Variants in TXK observed in about 807,000 individuals in gnomAD.
TXK encodes TXK tyrosine kinase.
In TXK, 60 loss-of-function variants were observed where a neutral mutation model predicts 81.0. The observed-to-expected ratio is 0.74, with a 90% CI of 0.60 to 0.92. The LOEUF (loss-of-function observed/expected upper bound fraction) is 0.92, where lower values mean the gene tolerates loss of function less well. Among genes scored for constraint, TXK ranks in the 40% least tolerant of loss-of-function variants. TXK has a pLI of 0.00. For missense variants in TXK, 581 were observed against 638.3 expected (o/e 0.91, Z 0.97); for synonymous variants, 203 against 210.7 (o/e 0.96, Z 0.32).
intron 10 of TXK, among the ~76,000 whole-genome samples, chr4:48,080,533 G>A (rs1007646256): frequency 6.6e-6 from 1 of 152,092 alleles, no homozygotes; most frequent in Non-Finnish European, 1.5e-5. Flanking sequence ...CAAGAGGGAG[G>A]AAAGAGTGAC....
chr4:48,091,354 G>A (rs1033865710), intron 8 of TXK, among the ~76,000 whole-genome samples: 3 of 152,172 alleles, frequency 2.0e-5, no homozygotes, highest in Admixed American at 6.5e-5. Context: ...AGGAGGTAGA[G>A]CCAGACAAAT....
intron 5 of TXK, 100 bp from the exon 6 acceptor site, chr4:48,105,055 A>T (rs1718407745): frequency 2.7e-6 from 2 of 741,452 alleles, no homozygotes; most frequent in African/African-American, 1.8e-5. Flanking sequence ...TTCAGAACTG[A>T]GCTTAGAAAG....
chr4:48,067,733 C>T (rs759605449), intron 14 of TXK, 28 bp from the exon 15 acceptor site: 1 of 1,604,944 alleles, frequency 6.2e-7, no homozygotes, highest in East Asian at 2.2e-5. Context: ...GGGTGGTTAG[C>T]TCAGCTTAAC....
intron 1 of TXK, among the ~76,000 whole-genome samples, chr4:48,115,693 C>A (rs897450299): frequency 6.6e-6 from 1 of 151,968 alleles, no homozygotes; most frequent in African/African-American, 2.4e-5. Flanking sequence ...CCCCAAAAAA[C>A]TTTTTAAAAA....
At chr4:48,111,176 G>A (rs1429387906) in intron 4 of TXK, among the ~76,000 whole-genome samples, 1 of 152,168 alleles carries the variant, frequency 6.6e-6, no homozygotes, top group Non-Finnish European at 1.5e-5. Context: ...CAGCATGGTA[G>A]AAGTTTCACT....
At chr4:48,113,453 C>T (rs1718705830) in intron 2 of TXK, 144 bp from the exon 3 acceptor site, 2 of 573,386 alleles carry the variant, frequency 3.5e-6, no homozygotes, top group South Asian at 5.3e-5. Flanking sequence ...AACTCCATCT[C>T]CCTGGGCAAA....
chr4:48,089,958 T>C (rs567504092), intron 8 of TXK, 134 bp from the exon 9 acceptor site: 14 of 587,648 alleles, frequency 2.4e-5, no homozygotes, highest in Non-Finnish European at 4.1e-5. Context: ...GTCAGCAGTT[T>C]GCTTATTTTC....
intron 10 of TXK, among the ~76,000 whole-genome samples, chr4:48,080,795 A>T (rs915567458): frequency 4.6e-5 from 7 of 151,996 alleles, no homozygotes; most frequent in African/African-American, 7.2e-5. Flanking sequence ...GTGTGTGTGT[A>T]ATACTATATT....
At chr4:48,130,614 C>G (rs1719226715) in intron 1 of TXK, among the ~76,000 whole-genome samples, 1 of 152,126 alleles carries the variant, frequency 6.6e-6, no homozygotes, top group Non-Finnish European at 1.5e-5. Flanking sequence ...GTACTAGGTC[C>G]AATTCATACT....
At chr4:48,079,439 T>C (rs981667740) in intron 11 of TXK, among the ~76,000 whole-genome samples, 1 of 152,120 alleles carries the variant, frequency 6.6e-6, no homozygotes, top group African/African-American at 2.4e-5. Context: ...CACCTGATCT[T>C]CTGGCCCCCA....
intron 1 of TXK, 74 bp from the exon 2 acceptor site, chr4:48,114,476 G>A (rs1271738959): frequency 1.4e-6 from 2 of 1,438,372 alleles, no homozygotes; most frequent in Non-Finnish European, 2.0e-6. Flanking sequence ...TAAGGGAAGG[G>A]TGAGACGAAT....
At chr4:48,102,118 A>G (rs560041722) in intron 6 of TXK, among the ~76,000 whole-genome samples, 48 of 152,206 alleles carry the variant, frequency 3.2e-4, no homozygotes, top group African/African-American at 1.2e-3. Context: ...AGCTGGGATT[A>G]GAGGCGCCCG....
In TXK at chr4:48,067,398, G is replaced by T; in HGVS notation, c.*239C>A. The T allele has an allele frequency of 2.2e-6, 1 of 456,778 alleles. No homozygotes were observed. Among genetic ancestry groups the T allele is most frequent in the South Asian group, 2.7e-5 (1 of 37,724 alleles). 28.3% of individuals were successfully genotyped at this position (456,778 alleles called of 1,614,324 possible). A position where few individuals can be genotyped will look rare whatever the true frequency, so the allele number is the denominator to read the frequency against. On this transcript the variant is annotated 3_prime_UTR_variant, in exon 15 of 15. Coordinates refer to ENST00000264316, the MANE Select transcript of TXK (RefSeq NM_003328.3). Reference sequence around the variant, plus strand: ...AGTCTTTTTCACTTCTTCACATTTGGGATGTGAAATATTTTACAGAAAAAT... The same window carrying T: ...AGTCTTTTTCACTTCTTCACATTTGTGATGTGAAATATTTTACAGAAAAAT...
At chr4:48,123,856 A>AC (rs1203499575) in intron 1 of TXK, among the ~76,000 whole-genome samples, 1 of 152,030 alleles carries the variant, frequency 6.6e-6, no homozygotes, top group Non-Finnish European at 1.5e-5. Flanking sequence ...TCCATAAGTG[A>AC]CCCCACCCTG....
chr4:48,116,594 G>C (rs1391855506), intron 1 of TXK, among the ~76,000 whole-genome samples: 2 of 152,192 alleles, frequency 1.3e-5, no homozygotes, highest in African/African-American at 4.8e-5. Flanking sequence ...TAGAAGGAGA[G>C]GGTATCTGTG....
At chr4:48,127,721 C>G (rs1170420281) in intron 1 of TXK, among the ~76,000 whole-genome samples, 1 of 152,164 alleles carries the variant, frequency 6.6e-6, no homozygotes, top group Middle Eastern at 3.2e-3. Context: ...GAGCCTCAGG[C>G]CAGCAAATCA....
intron 8 of TXK, among the ~76,000 whole-genome samples, chr4:48,091,499 C>T (rs113428561): frequency 3.3e-5 from 5 of 149,512 alleles, no homozygotes; most frequent in African/African-American, 1.3e-4. Context: ...ATTTACATTT[C>T]TTTTTCTTTT....
intron 4 of TXK, 117 bp downstream of exon 4, chr4:48,112,190 G>C (rs1305817451): frequency 1.1e-6 from 1 of 937,108 alleles, no homozygotes; most frequent in Non-Finnish European, 1.7e-6. Context: ...ACACATCCTG[G>C]GGGAGAGGGG....
At position 48,086,617 on chromosome 4, in the gene TXK, A is replaced by G; in HGVS notation, c.805T>C (p.Ser269Pro). The G allele has an allele frequency of 6.2e-7, 1 of 1,614,052 alleles. No homozygotes were observed. Among genetic ancestry groups the G allele is most frequent in the South Asian group, 1.1e-5 (1 of 91,068 alleles). The stretch of plus-strand genomic sequence containing the variant: ...ATCTCCTTTATAAAAGCCAACTCAG[A>G]TGGATCTATCTCCCACTTTTCTGAA... ...FSYEKWEIDPSELAFIKEIGS... is the reference protein window; with the variant it reads ...FSYEKWEIDPPELAFIKEIGS... Residue 269 changes from serine (S) to proline (P), a missense_variant, in exon 10 of 15, where the codon TCT (serine) becomes CCT (proline). By Grantham distance (74) the Ser-to-Pro change is moderately conservative. Coordinates refer to ENST00000264316, the MANE Select transcript of TXK (RefSeq NM_003328.3).
Sources: gnomAD v4.1 joint callset for allele counts (sites outside exome capture counted in the v4.1 genomes callset) on GRCh38, gnomAD v4.1.1 for gene constraint, MANE v1.5 for transcripts, NCBI Gene and HGNC (gene_info 2026-07-23, HGNC 2026-07-21) for gene names.